The following FSIP2 variants were observed in gnomAD, a reference collection of about 807,000 sequenced individuals.
FSIP2 encodes fibrous sheath-interacting protein 2.
A neutral mutation model predicts 510.5 loss-of-function variants in FSIP2; 367 were observed. That is an observed-to-expected ratio of 0.72 (90% CI 0.66 to 0.78). FSIP2 has a LOEUF of 0.78. Ranked by LOEUF, FSIP2 falls within the 30% of genes least tolerant of loss-of-function variation. The pLI is 0.00. For missense variants in FSIP2, 7,594 were observed against 7,901.7 expected (o/e 0.96, Z 1.48); for synonymous variants, 2,601 against 2,732.2 (o/e 0.95, Z 1.50).
At position 185,770,958 on chromosome 2, in the gene FSIP2, C is replaced by T. The variant is rs1333049436; in HGVS notation, c.1411+6393C>T. Among the ~76,000 whole-genome samples, 5 of 152,316 alleles carry T rather than the reference C, an allele frequency of 3.3e-5. No homozygotes were observed. The East Asian group carries it at 9.7e-4, about 29-fold the overall frequency. ...GTCAAAATAAAGGGGCAACATGCCC[C>T]ATGCAAATCTAAAACCTAGCAGTGC... On this transcript the variant is annotated intron_variant, in intron 13 of 22. Coordinates refer to ENST00000424728, the MANE Select transcript of FSIP2 (RefSeq NM_173651.4).
intron 15 of FSIP2, among the ~76,000 whole-genome samples, 185 bp downstream of exon 15, chr2:185,786,473 A>G (rs1290695998): frequency 2.6e-5 from 4 of 151,964 alleles, no homozygotes; most frequent in Non-Finnish European, 5.9e-5. Context: ...TCTGTGGTCC[A>G]AAATTGTTAT....
In FSIP2 at chr2:185,807,899, A is replaced by T. The variant is rs180799637; in HGVS notation, c.18593A>T (p.His6198Leu). ...SKLLSIFPKV[H>L]KERTKSLETD... ...CTTTTATCTATATTTCCAAAAGTAC[A>T]TAAAGAAAGAACAAAATCTCTAGAG... Residue 6198 changes from histidine (H) to leucine (L), a missense_variant, in exon 17 of 23, where the codon CAT becomes CTT. Physicochemically the swap from His to Leu is moderately conservative, Grantham distance 99. Transcript: ENST00000424728. 363 of 1,602,812 alleles carry T rather than the reference A, an allele frequency of 2.3e-4. No individual in the cohort carries two copies. The highest frequency in any genetic ancestry group is 1.7e-3 in the East Asian group (77 of 44,578).
intron 1 of FSIP2, 142 bp from the exon 2 acceptor site, chr2:185,739,204 G>A (rs1574148477): frequency 8.7e-7 from 1 of 1,146,322 alleles, no homozygotes; most frequent in Non-Finnish European, 1.2e-6. Context: ...TGGTGACCAG[G>A]GAAAACGGGA....
intron 2 of FSIP2, among the ~76,000 whole-genome samples, chr2:185,741,373 G>T (rs936972715): frequency 3.8e-4 from 58 of 152,094 alleles, no homozygotes; most frequent in Non-Finnish European, 7.4e-5. Context: ...CCTTTTAAGG[G>T]CAACCAGTTA....
In FSIP2 at chr2:185,792,696, C is replaced by T; in HGVS notation, c.5560C>T (p.Leu1854Phe). ...TATTGTTAGGACTGTATTTCACAAA[C>T]TTTATTCAGCTGCCATGACAGAAAG... is the stretch of plus-strand genomic sequence containing the variant. ...DNIVRTVFHKLYSAAMTERNV... is the reference protein window; with the variant it reads ...DNIVRTVFHKFYSAAMTERNV... The change falls in exon 16 of 23, where the codon CTT becomes TTT. Residue 1854 changes from leucine (L) to phenylalanine (F), a missense_variant. By Grantham distance (22) the Leu-to-Phe change is conservative. Transcript: ENST00000424728. The T allele has an allele frequency of 2.0e-6, 3 of 1,533,742 alleles. No homozygotes were observed. The highest frequency in any genetic ancestry group is 4.9e-5 in the East Asian group (2 of 40,826).
intron 19 of FSIP2, among the ~76,000 whole-genome samples, chr2:185,822,753 C>T (rs567326378): frequency 2.6e-5 from 4 of 151,606 alleles, no homozygotes; most frequent in African/African-American, 9.7e-5. Flanking sequence ...AATAGGAAAA[C>T]AATCTTAAAA....
At chr2:185,740,139 T>A (rs981355630) in intron 2 of FSIP2, among the ~76,000 whole-genome samples, 1 of 152,186 alleles carries the variant, frequency 6.6e-6, no homozygotes, top group Non-Finnish European at 1.5e-5. Flanking sequence ...TACTTCAGTA[T>A]TTTGTCAACT....
At chr2:185,761,129 G>C (rs1692342100) in intron 10 of FSIP2, 26 bp downstream of exon 10, 6 of 924,956 alleles carry the variant, frequency 6.5e-6, no homozygotes, top group Non-Finnish European at 9.6e-6. Flanking sequence ...TTAAAGTTTT[G>C]TGTTGTATTT....
chr2:185,766,858 C>T (rs1445423339), intron 13 of FSIP2, among the ~76,000 whole-genome samples: 2 of 126,066 alleles, frequency 1.6e-5, no homozygotes, highest in Non-Finnish European at 3.4e-5. Flanking sequence ...GCTATAAAGA[C>T]ACACGCACAC....
Position 185,756,319 on chromosome 2 carries a change from A to G in FSIP2, c.1078+41A>G, listed in dbSNP as rs1048466844. On this transcript the variant is annotated intron_variant, in intron 9 of 22. Transcript: ENST00000424728. ...GACAAGAAACACTAGATACTAAACA[A>G]TAATTTGGGGGAAAGACAGTTTTGT... The G allele has an allele frequency of 2.4e-5, 17 of 707,602 alleles. No individual in the cohort carries two copies. In the African/African-American group the frequency reaches 2.5e-4, roughly 11 times the overall value. 43.8% of individuals were successfully genotyped at this position (707,602 alleles called of 1,614,324 possible).
At chr2:185,750,169 A>G (rs2105538962) in intron 7 of FSIP2, among the ~76,000 whole-genome samples, 1 of 151,780 alleles carries the variant, frequency 6.6e-6, no homozygotes, top group Non-Finnish European at 1.5e-5. Context: ...TGCTGGCCTT[A>G]TACCATAAAT....
At position 185,807,824 on chromosome 2, in the gene FSIP2, A is replaced by G; in HGVS notation, c.18518A>G (p.Lys6173Arg). The change falls in exon 17 of 23, where the codon AAG becomes AGG. Residue 6173 changes from lysine (K) to arginine (R), a missense_variant. Physicochemically the swap from Lys to Arg is conservative, Grantham distance 26 (BLOSUM62 2). Transcript: ENST00000424728. ...CTACCTAAACCTTCACATGCTGATA[A>G]GCTGTCTTATAACATAATAGAAGAA... is the stretch of plus-strand genomic sequence containing the variant. ...VPLPKPSHAD[K>R]LSYNIIEEIA... 1 of 1,612,602 alleles carries G rather than the reference A, an allele frequency of 6.2e-7. No individual in the cohort carries two copies. The highest frequency in any genetic ancestry group is 8.5e-7 in the Non-Finnish European group (1 of 1,179,256).
chr2:185,747,028 A>C (rs1692048030), intron 6 of FSIP2, among the ~76,000 whole-genome samples: 1 of 152,160 alleles, frequency 6.6e-6, no homozygotes, highest in Admixed American at 6.6e-5. Flanking sequence ...CTGCTCTTAA[A>C]GAACAGTTAG....
Position 185,807,403 on chromosome 2 carries a change from A to G in FSIP2, c.18097A>G (p.Thr6033Ala), listed in dbSNP as rs781733917. The G allele has an allele frequency of 5.0e-6, 8 of 1,608,384 alleles. No individual in the cohort carries two copies. Among genetic ancestry groups the G allele is most frequent in the Non-Finnish European group, 6.8e-6 (8 of 1,178,420 alleles). Residue 6033 changes from threonine to alanine, a missense_variant, in exon 17 of 23, where the codon ACA (threonine) becomes GCA (alanine). Physicochemically the swap from Thr to Ala is moderately conservative, Grantham distance 58. Coordinates refer to ENST00000424728, the MANE Select transcript of FSIP2 (RefSeq NM_173651.4). The part of the protein sequence containing the change: ...KIFSTISSTK[T>A]KEPEDNLSTE... Reference sequence around the variant, plus strand: ...TTTCTCAACAATATCCAGCACAAAAACAAAAGAACCTGAGGACAATTTGTC... The same window carrying G: ...TTTCTCAACAATATCCAGCACAAAAGCAAAAGAACCTGAGGACAATTTGTC...
rs1463332800 is a variant in FSIP2, at chr2:185,806,418, T to C, written c.17112T>C (p.Ser5704=). The part of the protein sequence containing the change: ...SPEPAYYSKL[S]YDQSPPGDNV... ...AACCAGCATATTATTCGAAACTCAG[T>C]TATGACCAAAGCCCCCCAGGTGATA... The change falls in exon 17 of 23, where the codon AGT becomes AGC. Residue 5704 remains serine, a synonymous_variant. Coordinates refer to ENST00000424728, the MANE Select transcript of FSIP2 (RefSeq NM_173651.4). 3 of 1,612,008 alleles carry C rather than the reference T, an allele frequency of 1.9e-6. No individual in the cohort carries two copies. The East Asian group carries it at 6.7e-5, about 36-fold the overall frequency.
chr2:185,738,672 G>C (rs1354346174), upstream of FSIP2: 1 of 1,536,074 alleles, frequency 6.5e-7, no homozygotes, highest in South Asian at 1.2e-5. Context: ...CTCTCGGACC[G>C]ATTTTCCCAG....
At position 185,789,568 on chromosome 2, in the gene FSIP2, A is replaced by G. The variant is rs761013582; in HGVS notation, c.2432A>G (p.His811Arg). 41 of 1,534,772 alleles carry G rather than the reference A, an allele frequency of 2.7e-5. No homozygotes were observed. Among genetic ancestry groups the G allele is most frequent in the Non-Finnish European group, 3.6e-5 (41 of 1,145,946 alleles). ...NGKPLKNSMP[H>R]TLDPMCDIAE... The stretch of plus-strand genomic sequence containing the variant: ...AAACCTTTGAAAAATTCAATGCCTC[A>G]TACTTTGGACCCAATGTGTGATATT... Residue 811 changes from histidine (H) to arginine (R), a missense_variant, in exon 16 of 23, where the codon CAT becomes CGT. His to Arg is a conservative substitution (Grantham distance 29). Transcript: ENST00000424728.
chr2:185,738,820 G>T lies in FSIP2; in HGVS notation c.-75G>T. 2 of 1,535,990 alleles carry T rather than the reference G, an allele frequency of 1.3e-6. No individual in the cohort carries two copies. The highest frequency in any genetic ancestry group is 1.7e-6 in the Non-Finnish European group (2 of 1,146,812). On this transcript the variant is annotated 5_prime_UTR_variant, in exon 1 of 23. Transcript: ENST00000424728. ...GCTCTGGCCATTCCTGGTCAGGTCC[G>T]GACAGAGGGACAACGGGGTGCTAGA...
chr2:185,808,146 C>A lies in FSIP2; in HGVS notation c.18840C>A (p.Val6280=). 6.2e-7 allele frequency: 1 copy of A among 1,609,974 alleles called. No individual in the cohort carries two copies. The highest frequency in any genetic ancestry group is 8.5e-7 in the Non-Finnish European group (1 of 1,178,330). ...AAGATTTAATGGGTAAAAGCAATGT[C>A]CTCTCTGATACAATAGGCTTTTTAA... is the stretch of plus-strand genomic sequence containing the variant. ...VFKDLMGKSN[V]LSDTIGFLMV... Residue 6280 remains valine, a synonymous_variant, in exon 17 of 23, where the codon GTC becomes GTA. Transcript: ENST00000424728.
Sources: allele counts gnomAD v4.1 joint callset (sites outside exome capture counted in the v4.1 genomes callset), GRCh38; gene constraint gnomAD v4.1.1; transcripts MANE v1.5; gene names NCBI Gene and HGNC (gene_info 2026-07-23, HGNC 2026-07-21).